The following PTPRG variants were observed in gnomAD, a reference collection of about 807,000 sequenced individuals.
PTPRG encodes receptor-type tyrosine-protein phosphatase gamma.
Under a neutral mutation model 165.3 loss-of-function variants are expected in PTPRG, and 102 were observed. The observed-to-expected ratio is 0.62, with a 90% CI of 0.53 to 0.73. The LOEUF is 0.73. Among genes scored for constraint, PTPRG ranks in the 30% least tolerant of loss-of-function variants. The probability of loss-of-function intolerance (pLI) is 0.00; values close to 1 mark genes in which losing one functional copy is unlikely to be tolerated. For missense variants in PTPRG, 1,866 were observed against 1,861.4 expected, an observed-to-expected ratio of 1.00 and a Z score of -0.05; for synonymous variants, 675 against 669.5, an observed-to-expected ratio of 1.01 and a Z score of -0.13.
intron 2 of PTPRG, among the ~76,000 whole-genome samples, chr3:61,921,926 T>C (rs2039087209): frequency 6.6e-6 from 1 of 152,212 alleles, no homozygotes; most frequent in Admixed American, 6.5e-5. Flanking sequence ...GTCACCTTAC[T>C]TGAGTTTCCA....
At chr3:61,871,173 A>G (rs71296743) in intron 2 of PTPRG, among the ~76,000 whole-genome samples, 3,184 of 49,078 alleles carry the variant, frequency 0.065, 55 homozygotes, top group Middle Eastern at 0.13. Context: ...GTGTTATGTT[A>G]TGTTATGTTA....
chr3:61,707,314 A>G (rs536666931), intron 1 of PTPRG, among the ~76,000 whole-genome samples: 3 of 152,174 alleles, frequency 2.0e-5, no homozygotes, highest in African/African-American at 4.8e-5. Context: ...ATATGGAGAG[A>G]AAGATTTATT....
chr3:62,123,668 T>A (rs1703166692), intron 5 of PTPRG, among the ~76,000 whole-genome samples: 1 of 152,206 alleles, frequency 6.6e-6, no homozygotes, highest in African/African-American at 2.4e-5. Flanking sequence ...TTACACTTTT[T>A]AATGCAGAAA....
chr3:61,883,979 G>C (rs892529987), intron 2 of PTPRG, among the ~76,000 whole-genome samples: 2 of 152,180 alleles, frequency 1.3e-5, no homozygotes, highest in African/African-American at 2.4e-5. Context: ...GCCTTCCGAA[G>C]TGTTGGGATT....
intron 3 of PTPRG, among the ~76,000 whole-genome samples, chr3:61,995,539 G>A (rs1236998436): frequency 6.6e-6 from 1 of 152,032 alleles, no homozygotes; most frequent in African/African-American, 2.4e-5. Context: ...TCAAGAGATT[G>A]GTTAGGAAGT....
chr3:61,629,120 G>A (rs1256005010), intron 1 of PTPRG, among the ~76,000 whole-genome samples: 1 of 152,078 alleles, frequency 6.6e-6, no homozygotes, highest in Non-Finnish European at 1.5e-5. Context: ...CAGTTCACTC[G>A]GGGCACCTGC....
At chr3:61,858,922 C>G (rs551786072) in intron 2 of PTPRG, among the ~76,000 whole-genome samples, 2 of 152,244 alleles carry the variant, frequency 1.3e-5, no homozygotes, top group South Asian at 4.1e-4. Flanking sequence ...AAAATAAATG[C>G]TCTCCGTTTT....
chr3:61,889,440 C>T (rs1199702369), intron 2 of PTPRG, among the ~76,000 whole-genome samples: 1 of 152,172 alleles, frequency 6.6e-6, no homozygotes, highest in East Asian at 1.9e-4. Context: ...ATATCCATGA[C>T]CCTAACTTGT....
intron 1 of PTPRG, among the ~76,000 whole-genome samples, chr3:61,598,361 C>T (rs143961457): frequency 6.6e-6 from 1 of 152,178 alleles, no homozygotes; most frequent in Admixed American, 6.5e-5. Context: ...TTTCTTGCTT[C>T]AGTGAGGCAG....
intron 5 of PTPRG, among the ~76,000 whole-genome samples, chr3:62,125,170 A>G (rs1216777913): frequency 6.6e-6 from 1 of 152,192 alleles, no homozygotes; most frequent in South Asian, 2.1e-4. Context: ...CATTCTACAT[A>G]TGATACCTAC....
rs1400625886 is a variant in PTPRG at position 62,034,275 on chromosome 3, C to T, written c.519+30778C>T. On this transcript the variant is annotated intron_variant, in intron 4 of 29. Coordinates refer to ENST00000474889, the MANE Select transcript of PTPRG (RefSeq NM_002841.4). ...TCTGCATTTGTTTGGAAAAAGCAAACCCTAGCAGTTCAAACTCATGTTATT... is the reference window on the plus strand; with the variant it reads ...TCTGCATTTGTTTGGAAAAAGCAAATCCTAGCAGTTCAAACTCATGTTATT... Among the ~76,000 whole-genome samples the T allele has an allele frequency of 4.6e-5, 7 of 152,168 alleles. No homozygotes were observed. The East Asian group carries it at 1.2e-3, about 25-fold the overall frequency.
intron 4 of PTPRG, among the ~76,000 whole-genome samples, chr3:62,050,164 G>C (rs967995307): frequency 4.6e-5 from 7 of 152,316 alleles, no homozygotes; most frequent in African/African-American, 1.7e-4. Context: ...GACTGGTGTG[G>C]AGAATAATAG....
At chr3:62,246,420 C>G (rs1473666124) in intron 15 of PTPRG, among the ~76,000 whole-genome samples, 1 of 152,168 alleles carries the variant, frequency 6.6e-6, no homozygotes, top group African/African-American at 2.4e-5. Flanking sequence ...GAGCTTTCAG[C>G]TTGATCACAA....
intron 2 of PTPRG, among the ~76,000 whole-genome samples, chr3:61,776,663 C>G (rs2034393776): frequency 6.6e-6 from 1 of 150,912 alleles, no homozygotes; most frequent in Non-Finnish European, 1.5e-5. Flanking sequence ...TCTTAATGCT[C>G]TCTGCTTGCA....
At chr3:61,857,047 C>G (rs185734850) in intron 2 of PTPRG, among the ~76,000 whole-genome samples, 3 of 152,126 alleles carry the variant, frequency 2.0e-5, no homozygotes, top group African/African-American at 7.2e-5. Flanking sequence ...TTTTTCTGAT[C>G]ATTTCCCATC....
chr3:61,819,216 A>C (rs1232631403), intron 2 of PTPRG, among the ~76,000 whole-genome samples: 1 of 152,180 alleles, frequency 6.6e-6, no homozygotes, highest in Non-Finnish European at 1.5e-5. Flanking sequence ...GTCTTCAACT[A>C]TGAAGATCAT....
chr3:62,204,863 A>T (rs1700188898), intron 12 of PTPRG, among the ~76,000 whole-genome samples: 2 of 152,170 alleles, frequency 1.3e-5, no homozygotes, highest in Admixed American at 1.3e-4. Context: ...CCATCCTGAT[A>T]GTTTCTGCAA....
intron 12 of PTPRG, among the ~76,000 whole-genome samples, chr3:62,204,786 A>G (rs1700186340): frequency 6.6e-6 from 1 of 152,188 alleles, no homozygotes; most frequent in Non-Finnish European, 1.5e-5. Flanking sequence ...CAGTGAGGCC[A>G]GGGCATGAGA....
intron 2 of PTPRG, among the ~76,000 whole-genome samples, chr3:61,818,552 A>T (rs2035858334): frequency 6.6e-6 from 1 of 152,126 alleles, no homozygotes; most frequent in African/African-American, 2.4e-5. Flanking sequence ...TAATCCCAGC[A>T]CTTTGAGAGG....
Sources: allele counts gnomAD v4.1 joint callset (sites outside exome capture counted in the v4.1 genomes callset), GRCh38; gene constraint gnomAD v4.1.1; transcripts MANE v1.5; gene names NCBI Gene and HGNC (gene_info 2026-07-23, HGNC 2026-07-21).